TAB3: variants seen among roughly 807,000 people sequenced by gnomAD.
TAB3 encodes the protein TGF-beta-activated kinase 1 and MAP3K7-binding protein 3.
A neutral mutation model predicts 48.1 loss-of-function variants in TAB3; 18 were observed. The observed-to-expected ratio is 0.37, with a 90% confidence interval of 0.26 to 0.55. The LOEUF (loss-of-function observed/expected upper bound fraction) is 0.55. Among genes scored for constraint, TAB3 ranks in the 20% least tolerant of loss-of-function variants. TAB3 has a pLI of 0.78. For synonymous variants in TAB3, 185 were observed against 190.2 expected (o/e 0.97, Z 0.22); for missense variants, 414 against 549.8 (o/e 0.75, Z 2.47).
At chrX:30,865,806 A>C (rs1939386896) in intron 4 of TAB3, among the ~76,000 whole-genome samples, 1 of 112,525 alleles carries the variant, frequency 8.9e-6, no homozygotes, top group Admixed American at 9.4e-5. Flanking sequence ...CTTTTAAAAC[A>C]GAAGAGTTTT....
chrX:30,863,513 G>C (rs183934245), intron 4 of TAB3, among the ~76,000 whole-genome samples: 2 of 111,944 alleles, frequency 1.8e-5, no homozygotes, highest in African/African-American at 6.5e-5. Context: ...CTTGTAAATG[G>C]TTAAGCACCA....
intron 9 of TAB3, among the ~76,000 whole-genome samples, chrX:30,842,012 T>C (rs1938464182): frequency 8.9e-6 from 1 of 112,534 alleles, no homozygotes; most frequent in Admixed American, 9.4e-5. Flanking sequence ...TTTTGCCATG[T>C]TGGCCAGGCT....
chrX:30,859,576 T>C lies in TAB3; in HGVS notation c.13A>G (p.Ser5Gly). The C allele has an allele frequency of 8.3e-7, 1 of 1,206,834 alleles. No homozygotes were observed. The highest frequency in any genetic ancestry group is 3.0e-5 in the East Asian group (1 of 33,720). The change falls in exon 5 of 11, where the codon AGC becomes GGC. Residue 5 changes from serine to glycine, a missense_variant. Ser to Gly is a moderately conservative substitution (Grantham distance 56). Transcript: ENST00000288422. MAQS[S>G]PQLDIQVLHD... is the part of the protein sequence containing the mutation. The stretch of plus-strand genomic sequence containing the variant: ...AGAACCTGAATATCAAGCTGTGGGC[T>C]GCTTTGCGCCATGCCAGAGCAAATG...
intron 9 of TAB3, 24 bp downstream of exon 9, chrX:30,842,942 A>G (rs770161543): frequency 3.0e-6 from 3 of 988,587 alleles, no homozygotes; most frequent in Non-Finnish European, 4.2e-6. Context: ...TTTCTATCGT[A>G]TTTGTGACAT....
rs777072092 is a variant in TAB3, at chrX:30,877,033, C to G, written c.-382-5232G>C. ...GAAACCTGTCAAACCACATGTGTAA[C>G]AATCTCAATGAATTCCTACCAGACA... On this transcript the variant is annotated intron_variant, in intron 1 of 10. Transcript: ENST00000288422. 3.6e-5 allele frequency among the ~76,000 whole-genome samples: 4 copies of G among 111,668 alleles called. No individual in the cohort carries two copies. In the Admixed American group the frequency reaches 3.8e-4, roughly 11 times the overall value.
intron 10 of TAB3, among the ~76,000 whole-genome samples, chrX:30,832,025 T>A (rs1298997372): frequency 1.8e-5 from 2 of 112,274 alleles, no homozygotes; most frequent in Non-Finnish European, 3.8e-5. Flanking sequence ...CCTTCTTCCA[T>A]GACAACTTAA....
At chrX:30,868,566 C>A (rs1164249675) in intron 2 of TAB3, among the ~76,000 whole-genome samples, 11 of 1,210 alleles carry the variant, frequency 9.1e-3, no homozygotes, top group East Asian at 0.037. Flanking sequence ...ATATATATAG[C>A]TTATATATAT....
chrX:30,841,976 T>A (rs1207588771), intron 9 of TAB3, among the ~76,000 whole-genome samples: 1 of 112,109 alleles, frequency 8.9e-6, no homozygotes, highest in Non-Finnish European at 1.9e-5. Context: ...GCCTGGCTAA[T>A]TTTTGTATTT....
chrX:30,862,486 C>T (rs1201837701), intron 4 of TAB3, among the ~76,000 whole-genome samples: 5 of 111,442 alleles, frequency 4.5e-5, no homozygotes, highest in African/African-American at 1.6e-4. Context: ...AATCAAAACA[C>T]GGACAGACAG....
At chrX:30,848,296 G>T (rs758114460) in intron 7 of TAB3, among the ~76,000 whole-genome samples, 16 of 112,298 alleles carry the variant, frequency 1.4e-4, no homozygotes, top group Non-Finnish European at 2.1e-4. Context: ...GGCCAAGGCA[G>T]GTGGATCACT....
intron 9 of TAB3, among the ~76,000 whole-genome samples, chrX:30,839,749 C>T (rs190357990): frequency 0.013 from 1,450 of 109,100 alleles, 10 homozygotes; most frequent in Non-Finnish European, 0.021. Flanking sequence ...AAAAGAAATA[C>T]GGGAAGCGTT....
chrX:30,837,383 T>C (rs1427037928), intron 9 of TAB3, among the ~76,000 whole-genome samples: 4 of 111,246 alleles, frequency 3.6e-5, no homozygotes, highest in East Asian at 5.6e-4. Flanking sequence ...AACATCACCA[T>C]TGCTAGAAAA....
At chrX:30,841,947 T>C (rs1276690280) in intron 9 of TAB3, among the ~76,000 whole-genome samples, 1 of 112,036 alleles carries the variant, frequency 8.9e-6, no homozygotes, top group Non-Finnish European at 1.9e-5. Flanking sequence ...TAGCTGGGAT[T>C]ACAGGCGCGC....
chrX:30,876,880 A>C (rs2032934751), intron 1 of TAB3, among the ~76,000 whole-genome samples: 1 of 111,800 alleles, frequency 8.9e-6, no homozygotes, highest in Admixed American at 9.5e-5. Context: ...GCTCAGAATG[A>C]AGAGAGGGTA....
chrX:30,874,346 G>A (rs926162882), intron 1 of TAB3, among the ~76,000 whole-genome samples: 1 of 112,118 alleles, frequency 8.9e-6, no homozygotes. Context: ...AAGAAAATGT[G>A]TTGTTTTAGA....
chrX:30,847,482 C>A (rs1284784648), intron 7 of TAB3, among the ~76,000 whole-genome samples: 1 of 106,805 alleles, frequency 9.4e-6, no homozygotes, highest in Non-Finnish European at 1.9e-5. Flanking sequence ...TCCTTAATTT[C>A]TTTATTTTTA....
chrX:30,846,984 T>G (rs1295339127), intron 7 of TAB3, among the ~76,000 whole-genome samples: 1 of 111,457 alleles, frequency 9.0e-6, no homozygotes. Context: ...ACTGTAAGAA[T>G]CAACCTGTTA....
In TAB3 at chrX:30,830,737, C is replaced by T. The variant is rs945737755; in HGVS notation, c.*690G>A. 1 of 112,161 alleles carries T rather than the reference C, an allele frequency of 8.9e-6. No individual in the cohort carries two copies. The highest frequency in any genetic ancestry group is 3.2e-5 in the African/African-American group (1 of 30,815). 9.2% of individuals were successfully genotyped at this position (112,161 alleles called of 1,213,427 possible). A position where few individuals can be genotyped will look rare whatever the true frequency, so the allele number is the denominator to read the frequency against. On this transcript the variant is annotated 3_prime_UTR_variant, in exon 11 of 11. Coordinates refer to ENST00000288422, the MANE Select transcript of TAB3 (RefSeq NM_152787.5). ...TGTTGATAGAGCTCGATGAATCACA[C>T]TGTACAAGCCAAAGGCATCTTACCA...
Position 30,859,580 on chromosome X carries a change from T to C in TAB3, c.9A>G (p.Gln3=), listed in dbSNP as rs756609862. The C allele has an allele frequency of 1.7e-6, 2 of 1,204,731 alleles. No individual in the cohort carries two copies. Among genetic ancestry groups the C allele is most frequent in the South Asian group, 1.8e-5 (1 of 55,942 alleles). ...CCTGAATATCAAGCTGTGGGCTGCT[T>C]TGCGCCATGCCAGAGCAAATGGTGG... MA[Q]SSPQLDIQVL... is the part of the protein sequence containing the mutation. The change falls in exon 5 of 11, where the codon CAA becomes CAG. Residue 3 remains glutamine (Q), a synonymous_variant. Coordinates refer to ENST00000288422, the MANE Select transcript of TAB3 (RefSeq NM_152787.5).
Sources: gnomAD v4.1 joint callset for allele counts (sites outside exome capture counted in the v4.1 genomes callset) on GRCh38, gnomAD v4.1.1 for gene constraint, MANE v1.5 for transcripts, NCBI Gene and HGNC (gene_info 2026-07-23, HGNC 2026-07-21) for gene names.